Variants in NRG2 observed in about 807,000 individuals in gnomAD.
The protein encoded by NRG2 is neuregulin 2.
A neutral mutation model predicts 73.9 loss-of-function variants in NRG2; 27 were observed. The observed-to-expected ratio is 0.37, with a 90% CI of 0.27 to 0.50. The LOEUF (loss-of-function observed/expected upper bound fraction) is 0.50. NRG2 is among the 20% of genes least tolerant of loss of function. The probability of loss-of-function intolerance (pLI) is 0.96; values close to 1 mark genes in which losing one functional copy is unlikely to be tolerated. For missense variants in NRG2, 1,126 were observed against 1,210.1 expected, an observed-to-expected ratio of 0.93 and a Z score of 1.03; for synonymous variants, 532 against 541.0, an observed-to-expected ratio of 0.98 and a Z score of 0.23.
Position 139,960,392 on chromosome 5 carries a change from G to C in NRG2, c.701-72881C>G, listed in dbSNP as rs191741565. On this transcript the variant is annotated intron_variant, in intron 1 of 9. Transcript: ENST00000361474. ...TAGCTGGGCACAGTGGCACATGCCC[G>C]TAGTCCCAGCTACTCGGGAGGCTGA... Among the ~76,000 whole-genome samples the C allele has an allele frequency of 8.9e-4, 136 of 152,254 alleles. 1 individual carries two copies. The highest frequency in any genetic ancestry group is 3.1e-3 in the African/African-American group (130 of 41,542).
intron 1 of NRG2, among the ~76,000 whole-genome samples, chr5:139,942,220 T>C (rs758853869): frequency 1.2e-4 from 19 of 152,192 alleles, no homozygotes; most frequent in Non-Finnish European, 1.8e-4. Context: ...CTGTCAATGG[T>C]TAAGTTCCTA....
chr5:140,018,034 G>T (rs150069385), intron 1 of NRG2, among the ~76,000 whole-genome samples: 1 of 152,136 alleles, frequency 6.6e-6, no homozygotes, highest in Non-Finnish European at 1.5e-5. Flanking sequence ...CTCCAAACAT[G>T]CAAAGTCATA....
intron 1 of NRG2, among the ~76,000 whole-genome samples, chr5:139,906,500 T>G (rs73271450): frequency 0.026 from 3,912 of 152,282 alleles, 174 homozygotes; most frequent in African/African-American, 0.09. Context: ...CTCATACCTT[T>G]GCACATACTA....
chr5:139,985,232 C>T (rs543877152), intron 1 of NRG2, among the ~76,000 whole-genome samples: 7 of 151,176 alleles, frequency 4.6e-5, no homozygotes, highest in East Asian at 2.0e-4. Flanking sequence ...CCCAGCTACT[C>T]GAGAGGCTGA....
intron 1 of NRG2, among the ~76,000 whole-genome samples, chr5:139,913,986 C>CT (rs1226839885): frequency 5.9e-5 from 9 of 151,530 alleles, no homozygotes; most frequent in African/African-American, 2.2e-4. Flanking sequence ...AACTCTGTCT[C>CT]TACAAAAAAA....
At chr5:139,989,999 A>G (rs1014945744) in intron 1 of NRG2, among the ~76,000 whole-genome samples, 3 of 151,532 alleles carry the variant, frequency 2.0e-5, no homozygotes, top group South Asian at 2.1e-4. Context: ...CATGTTAGCC[A>G]GGATGGTCTT....
At position 139,868,390 on chromosome 5, in the gene NRG2, G is replaced by A. The variant is rs1472107120; in HGVS notation, c.1113-2765C>T. Among the ~76,000 whole-genome samples the A allele has an allele frequency of 6.6e-6, 1 of 152,118 alleles. No homozygotes were observed. The highest frequency in any genetic ancestry group is 1.5e-5 in the Non-Finnish European group (1 of 68,012). On this transcript the variant is annotated intron_variant, in intron 4 of 9. Coordinates refer to ENST00000361474, the MANE Select transcript of NRG2 (RefSeq NM_004883.3). This position sits in a 1 kb window ranked among gnomAD's most constrained non-coding sequence, Gnocchi z 4.2. ...GTTGGGAGTCTGAACTCAGCATTGG[G>A]GGCTGGGTGGTGGTTGGTGGTTTCC...
At position 139,852,534 on chromosome 5, in the gene NRG2, G is replaced by C. The variant is rs763592531; in HGVS notation, c.1442C>G (p.Thr481Arg). The C allele has an allele frequency of 6.2e-7, 1 of 1,614,176 alleles. No individual in the cohort carries two copies. The highest frequency in any genetic ancestry group is 1.1e-5 in the South Asian group (1 of 91,068). ...ADYISKNVPA[T>R]DHVIRRETET... ...AGTTTCTCTCCTGATGACATGGTCTGTGGCTGGCACGTTCTTGGAAATATA... is the reference window on the plus strand; with the variant it reads ...AGTTTCTCTCCTGATGACATGGTCTCTGGCTGGCACGTTCTTGGAAATATA... The change falls in exon 8 of 10, where the codon ACA becomes AGA. Residue 481 changes from threonine (T) to arginine (R), a missense_variant. By Grantham distance (71) the Thr-to-Arg change is moderately conservative. Around this residue, in one of 3 missense-constraint regions of NRG2, gnomAD observed 539 missense variants for 703.2 expected, o/e 0.77. Transcript: ENST00000361474. The surrounding 1 kb of genome is among the most constrained non-coding windows in gnomAD (Gnocchi z 4.4).
intron 1 of NRG2, among the ~76,000 whole-genome samples, chr5:139,908,440 A>G (rs1348240393): frequency 6.6e-6 from 1 of 152,186 alleles, no homozygotes; most frequent in Non-Finnish European, 1.5e-5. Flanking sequence ...AGCAGTGAAG[A>G]CAGTGAAAAT....
intron 1 of NRG2, among the ~76,000 whole-genome samples, chr5:139,940,843 A>G (rs868204149): frequency 6.6e-6 from 1 of 151,278 alleles, no homozygotes; most frequent in Non-Finnish European, 1.5e-5. Flanking sequence ...ATGTACATTT[A>G]AAAAAAAAGA....
chr5:140,012,670 T>C (rs1759454385), intron 1 of NRG2, among the ~76,000 whole-genome samples: 1 of 152,214 alleles, frequency 6.6e-6, no homozygotes, highest in Non-Finnish European at 1.5e-5. Flanking sequence ...CACCCTCTAC[T>C]GTTTGGACTC....
intron 2 of NRG2, among the ~76,000 whole-genome samples, chr5:139,882,374 G>A (rs1394941128): frequency 6.6e-6 from 1 of 152,198 alleles, no homozygotes; most frequent in Non-Finnish European, 1.5e-5. Flanking sequence ...CAACAAGGGT[G>A]CTACAAGATG....
chr5:140,002,234 A>G (rs1220525061), intron 1 of NRG2, among the ~76,000 whole-genome samples: 2 of 152,206 alleles, frequency 1.3e-5, no homozygotes, highest in African/African-American at 2.4e-5. Context: ...CAGGGGAAAA[A>G]AAGACAAAAT....
intron 2 of NRG2, among the ~76,000 whole-genome samples, chr5:139,884,602 T>C (rs1022347267): frequency 6.6e-6 from 1 of 152,216 alleles, no homozygotes; most frequent in African/African-American, 2.4e-5. Flanking sequence ...TGTGGACCTC[T>C]AGAATTACAA....
rs1326114015 is a variant in NRG2, at chr5:140,042,427, C to A, written c.643G>T (p.Asp215Tyr). 1 of 1,607,958 alleles carries A rather than the reference C, an allele frequency of 6.2e-7. No individual in the cohort carries two copies. Among genetic ancestry groups the A allele is most frequent in the Non-Finnish European group, 8.5e-7 (1 of 1,177,220 alleles). Residue 215 changes from aspartate to tyrosine, a missense_variant, in exon 1 of 10, where the codon GAT (aspartate) becomes TAT (tyrosine). By Grantham distance (160) the Asp-to-Tyr change is radical. This residue lies in a region of NRG2 where 539 missense variants were observed against 703.2 expected (regional missense o/e 0.77). Transcript: ENST00000361474. ...TTCTTGAGATTTTTGCCGTTGGTAT[C>A]GAGGGGGGCAAAGGCCGTCTTAAAG... ...LVFKTAFAPL[D>Y]TNGKNLKKEV...
chr5:139,848,521 T>C lies in NRG2; in HGVS notation c.1949A>G (p.His650Arg). 7.1e-7 allele frequency: 1 copy of C among 1,411,258 alleles called. No homozygotes were observed. The highest frequency in any genetic ancestry group is 9.1e-7 in the Non-Finnish European group (1 of 1,093,572). The allele number at this position is 1,411,258 out of a possible 1,614,324, so 87.4% of individuals were successfully genotyped here. A position where few individuals can be genotyped will look rare whatever the true frequency, so the allele number is the denominator to read the frequency against. The change falls in exon 10 of 10, where the codon CAC becomes CGC. Residue 650 changes from histidine (H) to arginine (R), a missense_variant. Coordinates refer to ENST00000361474, the MANE Select transcript of NRG2 (RefSeq NM_004883.3). Reference protein sequence around the residue: ...RLAEQQPLLRHPAPPGPGPGP... With the variant: ...RLAEQQPLLRRPAPPGPGPGP... Reference sequence around the variant, plus strand: ...GGGTCCCGGGCCGGGGGGCGCCGGGTGCCGCAGTAACGGCTGCTGCTCGGC... The same window carrying C: ...GGGTCCCGGGCCGGGGGGCGCCGGGCGCCGCAGTAACGGCTGCTGCTCGGC...
chr5:139,958,826 A>ACATC (rs71276336), intron 1 of NRG2, among the ~76,000 whole-genome samples: 21,266 of 152,094 alleles, frequency 0.14, 1,571 homozygotes, highest in South Asian at 0.25. Flanking sequence ...TACCTTCTAG[A>ACATC]CATCCAAGAA....
intron 1 of NRG2, among the ~76,000 whole-genome samples, chr5:139,912,032 C>G (rs1218783915): frequency 6.6e-6 from 1 of 152,122 alleles, no homozygotes; most frequent in Admixed American, 6.5e-5. Flanking sequence ...AGTTGTCCCC[C>G]GCTGTGGCTC....
At chr5:139,890,606 C>T (rs1228493477) in intron 1 of NRG2, among the ~76,000 whole-genome samples, 1 of 152,002 alleles carries the variant, frequency 6.6e-6, no homozygotes, top group African/African-American at 2.4e-5. Context: ...CCACCTCCCT[C>T]CCTCCTGCAT....
Sources: gnomAD v4.1 joint callset for allele counts (sites outside exome capture counted in the v4.1 genomes callset) on GRCh38, gnomAD v4.1.1 for gene constraint, gnomAD v4.1.1 regional missense constraint, Gnocchi (gnomAD v3.1) non-coding constraint, MANE v1.5 for transcripts, NCBI Gene and HGNC (gene_info 2026-07-23, HGNC 2026-07-21) for gene names.